Variants in PRKAG2 observed in about 807,000 individuals in gnomAD.
PRKAG2 encodes the protein 5'-AMP-activated protein kinase subunit gamma-2.
A neutral mutation model predicts 69.6 loss-of-function variants in PRKAG2; 26 were observed. The ratio of observed to expected loss-of-function variants is 0.37; its 90% CI spans 0.27 to 0.52. The LOEUF (loss-of-function observed/expected upper bound fraction) is 0.52. Among genes scored for constraint, PRKAG2 ranks in the 20% least tolerant of loss-of-function variants. PRKAG2 has a pLI of 0.90. For missense variants in PRKAG2, 557 were observed against 740.0 expected (o/e 0.75, Z 2.87); for synonymous variants, 293 against 285.0 (o/e 1.03, Z -0.28).
In PRKAG2 at chr7:151,829,794, C is replaced by T. The variant is rs535304253; in HGVS notation, c.115-43253G>A. Among the ~76,000 whole-genome samples the T allele has an allele frequency of 5.3e-4, 81 of 151,838 alleles. 2 individuals are homozygous for T. The highest frequency in any genetic ancestry group is 9.9e-4 in the Non-Finnish European group (67 of 67,868). On this transcript the variant is annotated intron_variant, in intron 1 of 15. Transcript: ENST00000287878. ...AGACCAAATATCATACAATTCCTTCCGGGGACCCTGCAGCGGGGGAGGGCA... is the reference window on the plus strand; with the variant it reads ...AGACCAAATATCATACAATTCCTTCTGGGGACCCTGCAGCGGGGGAGGGCA...
At chr7:151,693,442 C>T (rs192333682) in intron 3 of PRKAG2, among the ~76,000 whole-genome samples, 28 of 152,318 alleles carry the variant, frequency 1.8e-4, no homozygotes, top group African/African-American at 4.1e-4. Context: ...ATCACCTCCC[C>T]GGGCCATCAG....
At chr7:151,654,035 G>A (rs1171086220) in intron 4 of PRKAG2, among the ~76,000 whole-genome samples, 1 of 152,066 alleles carries the variant, frequency 6.6e-6, no homozygotes, top group African/African-American at 2.4e-5. Context: ...TATTTTAGAT[G>A]TTTTAAATCA....
At chr7:151,734,664 C>T (rs903968746) in intron 3 of PRKAG2, among the ~76,000 whole-genome samples, 2 of 152,156 alleles carry the variant, frequency 1.3e-5, no homozygotes, top group African/African-American at 2.4e-5. Flanking sequence ...AGCCTCCCAT[C>T]TCAGCCTCCT....
At chr7:151,846,092 C>T (rs1563749863) in intron 1 of PRKAG2, among the ~76,000 whole-genome samples, 5 of 152,190 alleles carry the variant, frequency 3.3e-5, no homozygotes, top group Admixed American at 2.6e-4. Flanking sequence ...ACACGATTTA[C>T]CCTGATGGGC....
chr7:151,574,843 T>C (rs754040703), intron 8 of PRKAG2, 48 bp downstream of exon 8: 4 of 1,612,814 alleles, frequency 2.5e-6, no homozygotes, highest in Non-Finnish European at 2.5e-6. Flanking sequence ...CACACATACA[T>C]AGATACGTAC....
At chr7:151,720,351 G>C (rs982446433) in intron 3 of PRKAG2, among the ~76,000 whole-genome samples, 1 of 151,954 alleles carries the variant, frequency 6.6e-6, no homozygotes, top group Non-Finnish European at 1.5e-5. Context: ...CTAGATAGGA[G>C]AGTCTACCTA....
At chr7:151,813,105 C>T (rs1180004313) in intron 1 of PRKAG2, among the ~76,000 whole-genome samples, 3 of 152,098 alleles carry the variant, frequency 2.0e-5, no homozygotes, top group African/African-American at 4.8e-5. Flanking sequence ...CCCAGGGTGC[C>T]GGCTCACTCT....
At position 151,807,696 on chromosome 7, in the gene PRKAG2, G is replaced by A. The variant is rs976253699; in HGVS notation, c.115-21155C>T. 1.6e-5 allele frequency: 7 copies of A among 432,312 alleles called. No individual in the cohort carries two copies. Among genetic ancestry groups the A allele is most frequent in the Admixed American group, 2.4e-5 (1 of 41,266 alleles). 26.8% of individuals were successfully genotyped at this position (432,312 alleles called of 1,614,324 possible). ...ACAACCGTTTCCACTGCCTATTCCC[G>A]GGCCCCTCACTTGGGTCAAGGCAGC... On this transcript the variant is annotated intron_variant, in intron 1 of 15. Coordinates refer to ENST00000287878, the MANE Select transcript of PRKAG2 (RefSeq NM_016203.4). The surrounding 1 kb of genome is among the most constrained non-coding windows in gnomAD (Gnocchi z 4.4).
At chr7:151,674,654 C>A (rs1051404078) in intron 4 of PRKAG2, among the ~76,000 whole-genome samples, 2 of 152,164 alleles carry the variant, frequency 1.3e-5, no homozygotes, top group Non-Finnish European at 2.9e-5. Context: ...GTCTGTCGCT[C>A]CATCCCACTC....
At position 151,651,496 on chromosome 7, in the gene PRKAG2, G is replaced by A. The variant is rs192540434; in HGVS notation, c.685-19358C>T. 5.9e-3 allele frequency among the ~76,000 whole-genome samples: 902 copies of A among 152,190 alleles called. 7 individuals carry two copies. The highest frequency in any genetic ancestry group is 0.02 in the African/African-American group (847 of 41,526). On this transcript the variant is annotated intron_variant, in intron 4 of 15. Coordinates refer to ENST00000287878, the MANE Select transcript of PRKAG2 (RefSeq NM_016203.4). ...GTGGCGAGTGCCTGTAATCCCAGCT[G>A]TTCGAGAGGCTGAGGTAGGAGAATC... is the stretch of plus-strand genomic sequence containing the variant.
intron 9 of PRKAG2, among the ~76,000 whole-genome samples, chr7:151,571,570 C>T (rs1334720407): frequency 6.6e-6 from 1 of 152,128 alleles, no homozygotes; most frequent in Admixed American, 6.5e-5. Context: ...ATTATTACTA[C>T]AAAATATCAT....
intron 1 of PRKAG2, among the ~76,000 whole-genome samples, chr7:151,823,945 A>G (rs2151867558): frequency 6.6e-6 from 1 of 152,364 alleles, no homozygotes; most frequent in Admixed American, 6.5e-5. Context: ...AACCACTGAT[A>G]GCACCCACCC....
Position 151,568,776 on chromosome 7 carries a change from G to A in PRKAG2, c.1173C>T (p.Ile391=). 3 of 1,613,934 alleles carry A rather than the reference G, an allele frequency of 1.9e-6. No individual in the cohort carries two copies. Among genetic ancestry groups the A allele is most frequent in the Non-Finnish European group, 1.7e-6 (2 of 1,179,830 alleles). ...KIHRLPVIDP[I]SGNALYILTH... The stretch of plus-strand genomic sequence containing the variant: ...TAAGTATATAAAGTGCATTCCCACT[G>A]ATAGGGTCAATAACGGGCAATCTGT... Residue 391 remains isoleucine (I), a synonymous_variant, in exon 11 of 16, where the codon ATC becomes ATT. Transcript: ENST00000287878.
chr7:151,668,813 A>C (rs1831407825), intron 4 of PRKAG2, among the ~76,000 whole-genome samples: 1 of 152,062 alleles, frequency 6.6e-6, no homozygotes, highest in South Asian at 2.1e-4. Context: ...TTCCGAGAGC[A>C]CTCCCTTAAT....
intron 3 of PRKAG2, among the ~76,000 whole-genome samples, chr7:151,709,466 T>A (rs913506042): frequency 6.6e-6 from 1 of 152,164 alleles, no homozygotes; most frequent in Non-Finnish European, 1.5e-5. Flanking sequence ...GTGATGACAT[T>A]GAGTGATGTG....
chr7:151,572,834 C>G (rs1807911743), intron 8 of PRKAG2, 125 bp from the exon 9 acceptor site: 1 of 617,956 alleles, frequency 1.6e-6, no homozygotes, highest in East Asian at 3.1e-5. Flanking sequence ...ATGAGGCGGC[C>G]AGGTGCGGTT....
At chr7:151,783,000 C>T (rs182310910) in intron 2 of PRKAG2, among the ~76,000 whole-genome samples, 48 of 152,356 alleles carry the variant, frequency 3.2e-4, no homozygotes, top group African/African-American at 1.1e-3. Context: ...AAAGGGAACA[C>T]AGGACACCCC....
intron 1 of PRKAG2, among the ~76,000 whole-genome samples, chr7:151,870,801 C>T (rs914763210): frequency 6.6e-6 from 1 of 152,230 alleles, no homozygotes; most frequent in African/African-American, 2.4e-5. Context: ...TGAGGCCACG[C>T]GGCGGGGGGA....
intron 1 of PRKAG2, among the ~76,000 whole-genome samples, chr7:151,847,136 G>T (rs1428458071): frequency 6.6e-6 from 1 of 152,242 alleles, no homozygotes; most frequent in African/African-American, 2.4e-5. Context: ...CAGTGAAACC[G>T]CCTGGACTTT....
Sources: gnomAD v4.1 joint callset for allele counts (sites outside exome capture counted in the v4.1 genomes callset) on GRCh38, gnomAD v4.1.1 for gene constraint, Gnocchi (gnomAD v3.1) non-coding constraint, MANE v1.5 for transcripts, NCBI Gene and HGNC (gene_info 2026-07-23, HGNC 2026-07-21) for gene names.